The following LRP1B variants were observed in gnomAD, a reference collection of about 807,000 sequenced individuals.
LRP1B encodes the protein low-density lipoprotein receptor-related protein 1B.
Under a neutral mutation model 556.6 loss-of-function variants are expected in LRP1B, and 217 were observed. The observed-to-expected ratio is 0.39, with a 90% CI of 0.35 to 0.44. The LOEUF is 0.44. Among genes scored for constraint, LRP1B ranks in the 20% least tolerant of loss-of-function variants. The pLI is 1.00. For missense variants in LRP1B, 5,053 were observed against 5,620.8 expected, an observed-to-expected ratio of 0.90 and a Z score of 3.23; for synonymous variants, 2,047 against 1,865.8, an observed-to-expected ratio of 1.10 and a Z score of -2.50.
At chr2:140,241,643 C>A (rs935037325) in intron 87 of LRP1B, among the ~76,000 whole-genome samples, 2 of 150,508 alleles carry the variant, frequency 1.3e-5, no homozygotes, top group Non-Finnish European at 3.0e-5. Context: ...GTTTATGTAA[C>A]CAATCAAAGT....
In LRP1B at chr2:141,220,644, A is replaced by G. The variant is rs1051465073; in HGVS notation, c.850+8539T>C. On this transcript the variant is annotated intron_variant, in intron 6 of 90. Coordinates refer to ENST00000389484, the MANE Select transcript of LRP1B (RefSeq NM_018557.3). ...TTGGAAAAAAAAAAAAAAAGAAAAA[A>G]TGTTAACGACAGACAGAGAGAAAGG... Among the ~76,000 whole-genome samples the G allele has an allele frequency of 4.0e-5, 6 of 151,680 alleles. 1 individual carries two copies. Among genetic ancestry groups the G allele is most frequent in the Admixed American group, 3.3e-4 (5 of 15,210 alleles).
At chr2:141,110,785 A>C (rs1700731520) in intron 7 of LRP1B, among the ~76,000 whole-genome samples, 1 of 152,136 alleles carries the variant, frequency 6.6e-6, no homozygotes, top group Admixed American at 6.5e-5. Context: ...ATAGCAGAAC[A>C]TTCCCAGAAT....
intron 2 of LRP1B, among the ~76,000 whole-genome samples, chr2:141,586,941 C>CAAAAAAAAAA (rs769891211): frequency 1.6e-3 from 113 of 71,376 alleles, no homozygotes; most frequent in Non-Finnish European, 2.3e-3. Flanking sequence ...GACTCCATCT[C>CAAAAAAAAAA]AAAAAAAAAA....
intron 1 of LRP1B, among the ~76,000 whole-genome samples, chr2:141,812,036 T>C (rs1696375240): frequency 6.6e-6 from 1 of 152,124 alleles, no homozygotes; most frequent in African/African-American, 2.4e-5. Context: ...ATTATTGCAG[T>C]GCATTTGAGA....
intron 35 of LRP1B, among the ~76,000 whole-genome samples, chr2:140,724,045 G>A (rs1005540512): frequency 2.0e-5 from 3 of 152,194 alleles, no homozygotes; most frequent in African/African-American, 7.2e-5. Context: ...TGAGGTCAGG[G>A]AAGATGAGAA....
At chr2:140,466,347 A>G (rs2105335813) in intron 60 of LRP1B, among the ~76,000 whole-genome samples, 1 of 152,134 alleles carries the variant, frequency 6.6e-6, no homozygotes, top group African/African-American at 2.4e-5. Context: ...AATTAGACTA[A>G]CACTGCATGG....
chr2:142,049,939 T>C (rs1483088961), intron 1 of LRP1B, among the ~76,000 whole-genome samples: 3 of 152,130 alleles, frequency 2.0e-5, no homozygotes, highest in Non-Finnish European at 4.4e-5. Flanking sequence ...AGCACTTCTA[T>C]CGCATGGCCA....
intron 68 of LRP1B, among the ~76,000 whole-genome samples, chr2:140,377,899 T>C (rs190513206): frequency 2.9e-4 from 44 of 152,302 alleles, no homozygotes; most frequent in African/African-American, 9.9e-4. Flanking sequence ...GGCAGGGGCA[T>C]CAGCTATAGG....
chr2:142,008,719 GAGGAGGTGC>G (rs1306024788), intron 1 of LRP1B, among the ~76,000 whole-genome samples: 1 of 151,978 alleles, frequency 6.6e-6, no homozygotes, highest in Non-Finnish European at 1.5e-5. Flanking sequence ...TCTCAAAGGT[GAGGAGGTGC>G]AGGAAATTGG....
At chr2:141,559,791 C>A (rs904071107) in intron 2 of LRP1B, among the ~76,000 whole-genome samples, 17 of 151,638 alleles carry the variant, frequency 1.1e-4, no homozygotes, top group African/African-American at 3.9e-4. Context: ...GTGATAAATT[C>A]ATTTGAAAAA....
intron 3 of LRP1B, among the ~76,000 whole-genome samples, chr2:141,277,677 T>G (rs1573745217): frequency 6.6e-6 from 1 of 151,178 alleles, no homozygotes; most frequent in East Asian, 1.9e-4. Context: ...TTTTTTTTTT[T>G]TTTCTGTTGG....
At chr2:140,263,386 A>G (rs1010959578) in intron 86 of LRP1B, among the ~76,000 whole-genome samples, 1 of 152,122 alleles carries the variant, frequency 6.6e-6, no homozygotes, top group Non-Finnish European at 1.5e-5. Flanking sequence ...AGCCACACCC[A>G]TAATCCTTTA....
chr2:141,041,420 T>C (rs550541166), intron 11 of LRP1B, among the ~76,000 whole-genome samples: 1 of 152,232 alleles, frequency 6.6e-6, no homozygotes, highest in East Asian at 1.9e-4. Flanking sequence ...AGAGTCCATT[T>C]CTTTGCCTTT....
intron 1 of LRP1B, among the ~76,000 whole-genome samples, chr2:141,918,460 G>A (rs1308397299): frequency 6.6e-6 from 1 of 151,730 alleles, no homozygotes; most frequent in African/African-American, 2.4e-5. Flanking sequence ...TTTTTTTTCA[G>A]TTTTGAAAGG....
At chr2:140,282,235 T>C (rs2129481) in intron 84 of LRP1B, among the ~76,000 whole-genome samples, 54,584 of 151,650 alleles carry the variant, frequency 0.36, 11,374 homozygotes, top group Non-Finnish European at 0.49. Context: ...AGTAAAATGA[T>C]GTAAATGATA....
At chr2:140,613,073 G>GTC (rs1349285635) in intron 41 of LRP1B, among the ~76,000 whole-genome samples, 19 of 148,218 alleles carry the variant, frequency 1.3e-4, no homozygotes, top group Admixed American at 1.2e-3. Context: ...CTTTCCCTCT[G>GTC]TCTCTCTCCA....
At chr2:141,761,612 T>C (rs187299467) in intron 2 of LRP1B, among the ~76,000 whole-genome samples, 2 of 152,328 alleles carry the variant, frequency 1.3e-5, no homozygotes, top group Non-Finnish European at 2.9e-5. Context: ...ATTTTACTTT[T>C]AAATTTTATT....
intron 74 of LRP1B, among the ~76,000 whole-genome samples, chr2:140,357,667 TAACAC>T: frequency 6.6e-6 from 1 of 151,734 alleles, no homozygotes; most frequent in Non-Finnish European, 1.5e-5. Flanking sequence ...TTATAAAACT[TAACAC>T]TAAATTTGTA....
At chr2:140,927,106 A>G (rs1325450077) in intron 20 of LRP1B, among the ~76,000 whole-genome samples, 2 of 152,190 alleles carry the variant, frequency 1.3e-5, no homozygotes, top group Non-Finnish European at 2.9e-5. Context: ...AGAGTTCGAG[A>G]CCAGCCTGGC....
Sources: allele counts gnomAD v4.1 joint callset (sites outside exome capture counted in the v4.1 genomes callset), GRCh38; gene constraint gnomAD v4.1.1; transcripts MANE v1.5; gene names NCBI Gene and HGNC (gene_info 2026-07-23, HGNC 2026-07-21).